USP8: variants seen among roughly 807,000 people sequenced by gnomAD.
The protein encoded by USP8 is ubiquitin specific peptidase 8.
In USP8, 27 loss-of-function variants were observed where a neutral mutation model predicts 130.0. That is an observed-to-expected ratio of 0.21 (90% CI 0.15 to 0.29). The LOEUF (loss-of-function observed/expected upper bound fraction) is 0.29, where lower values mean the gene tolerates loss of function less well. Among genes scored for constraint, USP8 ranks in the 10% least tolerant of loss-of-function variants. The probability of loss-of-function intolerance (pLI) is 1.00; values close to 1 mark genes in which losing one functional copy is unlikely to be tolerated. For synonymous variants in USP8, 392 were observed against 444.1 expected, an observed-to-expected ratio of 0.88 and a Z score of 1.48; for missense variants, 1,029 against 1,312.2, an observed-to-expected ratio of 0.78 and a Z score of 3.33.
At chr15:50,449,015 G>A (rs181355834) in intron 3 of USP8, among the ~76,000 whole-genome samples, 1 of 152,238 alleles carries the variant, frequency 6.6e-6, no homozygotes, top group East Asian at 1.9e-4. Flanking sequence ...TGTTGTGTCT[G>A]TACACAATTT....
chr15:50,447,463 A>C (rs1407199227), intron 3 of USP8, among the ~76,000 whole-genome samples: 7 of 150,062 alleles, frequency 4.7e-5, no homozygotes, highest in African/African-American at 1.7e-4. Flanking sequence ...CTGGTCTTGA[A>C]CTCCTGACCT....
chr15:50,439,433 A>T (rs935077666), intron 2 of USP8, among the ~76,000 whole-genome samples: 2 of 152,170 alleles, frequency 1.3e-5, no homozygotes, highest in Non-Finnish European at 2.9e-5. Context: ...GGCAAAGATT[A>T]TGAGGCTTCT....
chr15:50,457,843 A>G (rs1265638915), intron 4 of USP8, among the ~76,000 whole-genome samples: 2 of 148,556 alleles, frequency 1.3e-5, no homozygotes, highest in African/African-American at 2.5e-5. Context: ...CCTGGGTGAC[A>G]GAGCAAGACT....
At chr15:50,475,063 C>T (rs1301904790) in intron 8 of USP8, among the ~76,000 whole-genome samples, 2 of 152,030 alleles carry the variant, frequency 1.3e-5, no homozygotes, top group Non-Finnish European at 2.9e-5. Context: ...GAGCCGAGAT[C>T]GCACCACTTC....
At position 50,508,053 on chromosome 15, in the gene USP8, G is replaced by A. The variant is rs1277467954; in HGVS notation, c.*8965G>A. 1 of 122,566 alleles carries A rather than the reference G, an allele frequency of 8.2e-6. No homozygotes were observed. The highest frequency in any genetic ancestry group is 1.6e-5 in the Non-Finnish European group (1 of 62,794). The allele number at this position is 122,566 out of a possible 1,614,324, so 7.6% of individuals were successfully genotyped here. On this transcript the variant is annotated 3_prime_UTR_variant, in exon 20 of 20. Transcript: ENST00000307179. ...CCAGTGCACTCTAGCCCGGGCGACAGTGCAAGACTCTGTCTCAAAAAAAAA... is the reference window on the plus strand; with the variant it reads ...CCAGTGCACTCTAGCCCGGGCGACAATGCAAGACTCTGTCTCAAAAAAAAA...
intron 5 of USP8, among the ~76,000 whole-genome samples, chr15:50,460,566 C>G (rs1205933938): frequency 1.3e-5 from 2 of 151,768 alleles, no homozygotes; most frequent in Non-Finnish European, 1.5e-5. Context: ...ACCTTGGCCT[C>G]CCAAAGTGTT....
chr15:50,426,669 C>T (rs1387984757), intron 1 of USP8, among the ~76,000 whole-genome samples: 4 of 152,128 alleles, frequency 2.6e-5, no homozygotes, highest in Non-Finnish European at 5.9e-5. Context: ...AGTATGGCGG[C>T]TAGGTTCCGA....
intron 4 of USP8, among the ~76,000 whole-genome samples, chr15:50,450,237 T>C (rs1012915328): frequency 1.3e-5 from 2 of 152,104 alleles, no homozygotes; most frequent in African/African-American, 4.8e-5. Context: ...CATTATTCTT[T>C]AGAAAAATTC....
intron 14 of USP8, among the ~76,000 whole-genome samples, chr15:50,492,006 C>A (rs754984628): frequency 4.6e-5 from 7 of 152,060 alleles, no homozygotes; most frequent in Non-Finnish European, 8.8e-5. Flanking sequence ...GGACTATAGA[C>A]GTCCACTATC....
chr15:50,503,854 A>G lies in USP8; in HGVS notation c.*4766A>G, dbSNP rs1467189682. On this transcript the variant is annotated 3_prime_UTR_variant, in exon 20 of 20. Transcript: ENST00000307179. ...ATTCAAAATAATAGAACATGCAAGG[A>G]AACAATTTATCATAAGAGTCAGAAG... The G allele has an allele frequency of 3.9e-5, 6 of 152,250 alleles. No individual in the cohort carries two copies. In the South Asian group the frequency reaches 1.2e-3, roughly 31 times the overall value. 9.4% of individuals were successfully genotyped at this position (152,250 alleles called of 1,614,324 possible). A position where few individuals can be genotyped will look rare whatever the true frequency, so the allele number is the denominator to read the frequency against.
At chr15:50,436,590 C>G (rs367817180) in intron 1 of USP8, among the ~76,000 whole-genome samples, 1 of 152,038 alleles carries the variant, frequency 6.6e-6, no homozygotes, top group Non-Finnish European at 1.5e-5. Flanking sequence ...CCTCACCTCC[C>G]GGGTTCAAGT....
chr15:50,434,118 T>TGTTTC (rs2050023101), intron 1 of USP8, among the ~76,000 whole-genome samples: 1 of 152,064 alleles, frequency 6.6e-6, no homozygotes, highest in South Asian at 2.1e-4. Context: ...TGTTTTGTTT[T>TGTTTC]GTTTTGTTTT....
intron 2 of USP8, 65 bp downstream of exon 2, chr15:50,439,242 AAG>A: frequency 9.8e-7 from 1 of 1,024,472 alleles, no homozygotes; most frequent in Non-Finnish European, 1.4e-6. Flanking sequence ...TTCCATATTA[AAG>A]TTAGATGAAT....
chr15:50,493,323 G>A lies in USP8; in HGVS notation c.2447+410G>A, dbSNP rs955985243. ...CTGGTGGTAACCTATGAATAAGTAAGCATTTTGGTGTAGGGCTACAGTATG... is the reference window on the plus strand; with the variant it reads ...CTGGTGGTAACCTATGAATAAGTAAACATTTTGGTGTAGGGCTACAGTATG... On this transcript the variant is annotated intron_variant, in intron 15 of 19. Coordinates refer to ENST00000307179, the MANE Select transcript of USP8 (RefSeq NM_005154.5). The A allele has an allele frequency of 5.8e-6, 3 of 520,264 alleles. No homozygotes were observed. The African/African-American group carries it at 5.8e-5, about 10-fold the overall frequency. The allele number at this position is 520,264 out of a possible 1,614,324, so 32.2% of individuals were successfully genotyped here. A position where few individuals can be genotyped will look rare whatever the true frequency, so the allele number is the denominator to read the frequency against.
At chr15:50,434,012 T>C (rs769480080) in intron 1 of USP8, among the ~76,000 whole-genome samples, 1 of 152,086 alleles carries the variant, frequency 6.6e-6, no homozygotes, top group Non-Finnish European at 1.5e-5. Context: ...ATCTTAAGAA[T>C]TTTTATTTTT....
chr15:50,490,447 C>T lies in USP8; in HGVS notation c.2156C>T (p.Ser719Phe). 1 of 1,614,094 alleles carries T rather than the reference C, an allele frequency of 6.2e-7. No individual in the cohort carries two copies. The highest frequency in any genetic ancestry group is 1.7e-5 in the Admixed American group (1 of 60,018). The change falls in exon 14 of 20, where the codon TCC becomes TTC. Residue 719 changes from serine (S) to phenylalanine (F), a missense_variant. This residue lies in a region of USP8 where 486 missense variants were observed against 522.0 expected (regional missense o/e 0.93). Transcript: ENST00000307179. ...TCCAAACTGAAGCGCTCCTACTCCT[C>T]CCCAGATATAACCCAGGCTATTCAA... ...EPSKLKRSYSSPDITQAIQEE... is the reference protein window; with the variant it reads ...EPSKLKRSYSFPDITQAIQEE...
chr15:50,449,436 A>C lies in USP8; in HGVS notation c.286A>C (p.Lys96Gln), dbSNP rs887975163. ...FHSILGPGNI[K>Q]KAVEEAERLS... is the part of the protein sequence containing the mutation. The stretch of plus-strand genomic sequence containing the variant: ...TTCAATACTTGGACCTGGAAACATC[A>C]AAAAAGCTGTCGAAGAAGCTGAAAG... Residue 96 changes from lysine to glutamine, a missense_variant, in exon 4 of 20, where the codon AAA becomes CAA. This residue lies in a region of USP8 where 281 missense variants were observed against 336.7 expected (regional missense o/e 0.83). Coordinates refer to ENST00000307179, the MANE Select transcript of USP8 (RefSeq NM_005154.5). The C allele has an allele frequency of 6.3e-6, 10 of 1,596,592 alleles. No individual in the cohort carries two copies. Among genetic ancestry groups the C allele is most frequent in the Non-Finnish European group, 8.5e-6 (10 of 1,170,154 alleles).
In USP8 at chr15:50,450,462, C is replaced by CTTTTTTTTTTTTT. The variant is rs35800074; in HGVS notation, c.335+989_335+1001dup. Among the ~76,000 whole-genome samples, 18 of 80,454 alleles carry CTTTTTTTTTTTTT rather than the reference C, an allele frequency of 2.2e-4. 1 individual carries two copies. In the East Asian group the frequency reaches 2.7e-3, roughly 12 times the overall value. The allele number at this position is 80,454 out of a possible 152,430, so 52.8% of individuals were successfully genotyped here. The stretch of plus-strand genomic sequence containing the variant: ...TTTCAGTTTTTAGTCGTTAGTCATT[C>CTTTTTTTTTTTTT]TTTTTTTTTTTTTTTTTTTTTTTTG... On this transcript the variant is annotated intron_variant, in intron 4 of 19. Coordinates refer to ENST00000307179, the MANE Select transcript of USP8 (RefSeq NM_005154.5).
chr15:50,495,307 TATATATACATAC>T (rs2052346151), intron 16 of USP8, among the ~76,000 whole-genome samples: 1 of 9,370 alleles, frequency 1.1e-4, no homozygotes, highest in Non-Finnish European at 2.0e-4. Flanking sequence ...TATATACGTG[TATATATACATAC>T]ATATATACAC....
Sources: gnomAD v4.1 joint callset for allele counts (sites outside exome capture counted in the v4.1 genomes callset) on GRCh38, gnomAD v4.1.1 for gene constraint, gnomAD v4.1.1 regional missense constraint, MANE v1.5 for transcripts, NCBI Gene and HGNC (gene_info 2026-07-23, HGNC 2026-07-21) for gene names.